Variants in DPP8 observed in about 807,000 individuals in gnomAD.
The protein encoded by DPP8 is dipeptidyl peptidase 8.
Under a neutral mutation model 107.5 loss-of-function variants are expected in DPP8, and 31 were observed. The observed-to-expected ratio is 0.29, with a 90% CI of 0.22 to 0.39. The LOEUF is 0.39. DPP8 is among the 10% of genes least tolerant of loss of function. DPP8 has a pLI of 1.00. For missense variants in DPP8, 842 were observed against 1,076.1 expected, an observed-to-expected ratio of 0.78 and a Z score of 3.04; for synonymous variants, 381 against 356.6, an observed-to-expected ratio of 1.07 and a Z score of -0.77.
rs578129668 is a variant in DPP8, at chr15:65,489,560, T to TC, written c.826+628dup. On this transcript the variant is annotated intron_variant, in intron 6 of 19. Transcript: ENST00000300141. ...TCCTGAGTAGCTGGGACTACAGGCG[T>TC]CCCCCACCATGCCCAGCTAATTTTT... Among the ~76,000 whole-genome samples, 35 of 146,968 alleles carry TC rather than the reference T, an allele frequency of 2.4e-4. No homozygotes were observed. In the East Asian group the frequency reaches 3.8e-3, roughly 16 times the overall value.
intron 3 of DPP8, among the ~76,000 whole-genome samples, chr15:65,505,549 G>T (rs1434642855): frequency 1.3e-5 from 2 of 152,042 alleles, no homozygotes; most frequent in African/African-American, 4.8e-5. Flanking sequence ...GAAAATTATC[G>T]TTATTTCAGT....
At chr15:65,456,450 G>T in intron 15 of DPP8, 79 bp from the exon 16 acceptor site, 1 of 1,391,034 alleles carries the variant, frequency 7.2e-7, no homozygotes, top group Non-Finnish European at 9.7e-7. Flanking sequence ...GCAAGAAATA[G>T]AAAGCTTAAT....
In DPP8 at chr15:65,512,610, T is replaced by C. The variant is rs1278467470; in HGVS notation, c.-11-46A>G. 5 of 1,598,642 alleles carry C rather than the reference T, an allele frequency of 3.1e-6. No individual in the cohort carries two copies. The South Asian group carries it at 5.6e-5, about 18-fold the overall frequency. On this transcript the variant is annotated intron_variant, in intron 1 of 19. Transcript: ENST00000300141. ...AAGCTGTTCACGGGTCTATCTTCTA[T>C]TATCAGAATGATTCTCTGAGAGGGT...
At chr15:65,498,272 A>C (rs2068806115) in intron 4 of DPP8, among the ~76,000 whole-genome samples, 1 of 152,114 alleles carries the variant, frequency 6.6e-6, no homozygotes, top group Non-Finnish European at 1.5e-5. Flanking sequence ...AAATACAAAA[A>C]TTAGCTGGGC....
intron 5 of DPP8, among the ~76,000 whole-genome samples, 181 bp downstream of exon 5, chr15:65,497,683 T>A (rs2068744856): frequency 6.6e-6 from 1 of 152,182 alleles, no homozygotes; most frequent in African/African-American, 2.4e-5. Context: ...AAAATGAATA[T>A]TATACATGTG....
chr15:65,453,413 C>T (rs1374427087), intron 17 of DPP8, among the ~76,000 whole-genome samples: 1 of 152,034 alleles, frequency 6.6e-6, no homozygotes, highest in Admixed American at 6.6e-5. Flanking sequence ...AAACATTATA[C>T]ATGTTTAAAA....
rs562079300 is a variant in DPP8 at position 65,483,928 on chromosome 15, T to C, written c.1017+1171A>G. Among the ~76,000 whole-genome samples, 65 of 152,348 alleles carry C rather than the reference T, an allele frequency of 4.3e-4. 1 individual carries two copies. Among genetic ancestry groups the C allele is most frequent in the South Asian group, 4.1e-3 (20 of 4,834 alleles). The stretch of plus-strand genomic sequence containing the variant: ...GTATTGACACATGGTACAACATGGA[T>C]GGACCTTGAAAACAATCTAAGTCAA... On this transcript the variant is annotated intron_variant, in intron 8 of 19. Coordinates refer to ENST00000300141, the MANE Select transcript of DPP8 (RefSeq NM_130434.5).
At chr15:65,447,231 C>G (rs548856725) in intron 19 of DPP8, among the ~76,000 whole-genome samples, 1 of 152,126 alleles carries the variant, frequency 6.6e-6, no homozygotes, top group South Asian at 2.1e-4. Context: ...ATGGTTTGTT[C>G]TCTAAGTGTG....
At chr15:65,499,605 T>A (rs968395190) in intron 4 of DPP8, among the ~76,000 whole-genome samples, 1 of 152,088 alleles carries the variant, frequency 6.6e-6, no homozygotes, top group African/African-American at 2.4e-5. Flanking sequence ...TGCTCTGTCA[T>A]CCACGCTAAA....
At chr15:65,514,793 A>C (rs966160178) in intron 1 of DPP8, among the ~76,000 whole-genome samples, 1 of 152,114 alleles carries the variant, frequency 6.6e-6, no homozygotes, top group Non-Finnish European at 1.5e-5. Flanking sequence ...TACAGGTGGG[A>C]GCCACCGTGC....
At position 65,485,174 on chromosome 15, in the gene DPP8, CAT is replaced by C. The variant is rs758339967; in HGVS notation, c.956-16_956-15del. ...GATTTGCTGTACCTTTAGAAAGAGA[CAT>C]AAATGATAGTAATGTTTATCCAAAA... On this transcript the variant is annotated splice_polypyrimidine_tract_variant and intron_variant, in intron 7 of 19. Coordinates refer to ENST00000300141, the MANE Select transcript of DPP8 (RefSeq NM_130434.5). 25 of 1,566,568 alleles carry C rather than the reference CAT, an allele frequency of 1.6e-5. No homozygotes were observed. In the South Asian group the frequency reaches 2.6e-4, roughly 16 times the overall value.
chr15:65,465,462 C>G (rs570427366), intron 14 of DPP8, among the ~76,000 whole-genome samples: 10 of 151,934 alleles, frequency 6.6e-5, no homozygotes, highest in Non-Finnish European at 1.3e-4. Flanking sequence ...GCCACTACGC[C>G]TGGCCTAATT....
chr15:65,474,161 T>A (rs754518116), intron 12 of DPP8, 48 bp downstream of exon 12: 3 of 1,337,238 alleles, frequency 2.2e-6, no homozygotes, highest in African/African-American at 2.9e-5. Flanking sequence ...AGCACTGCAT[T>A]CACACAGTAA....
At chr15:65,506,685 C>A (rs2070065395) in intron 3 of DPP8, among the ~76,000 whole-genome samples, 1 of 148,306 alleles carries the variant, frequency 6.7e-6, no homozygotes, top group African/African-American at 2.5e-5. Flanking sequence ...CACTGAAATC[C>A]TGGAATCTGT....
chr15:65,512,245 G>C, intron 2 of DPP8, 50 bp downstream of exon 2: 1 of 1,546,800 alleles, frequency 6.5e-7, no homozygotes, highest in Non-Finnish European at 8.7e-7. Context: ...TAGACTTTAA[G>C]TTTGACTTAA....
At position 65,444,685 on chromosome 15, in the gene DPP8, A is replaced by G. The variant is rs1344075221; in HGVS notation, c.*2199T>C. The G allele has an allele frequency of 1.3e-5, 2 of 152,232 alleles. No homozygotes were observed. Among genetic ancestry groups the G allele is most frequent in the South Asian group, 2.1e-4 (1 of 4,836 alleles). 9.4% of individuals were successfully genotyped at this position (152,232 alleles called of 1,614,324 possible). ...TGATAGGAGGAAAGGAGAAGGCAACATGCAAAAGGAAAACACCTGTGAACT... is the reference window on the plus strand; with the variant it reads ...TGATAGGAGGAAAGGAGAAGGCAACGTGCAAAAGGAAAACACCTGTGAACT... On this transcript the variant is annotated 3_prime_UTR_variant, in exon 20 of 20. Transcript: ENST00000300141.
intron 4 of DPP8, 127 bp downstream of exon 4, chr15:65,500,479 G>T: frequency 1.3e-5 from 9 of 691,356 alleles, no homozygotes; most frequent in South Asian, 2.1e-5. Flanking sequence ...TGTTTTCATT[G>T]CTATTAAATT....
intron 1 of DPP8, among the ~76,000 whole-genome samples, chr15:65,513,896 C>T (rs1020940503): frequency 1.3e-5 from 2 of 152,112 alleles, no homozygotes; most frequent in South Asian, 4.1e-4. Context: ...AAAGAAGGAA[C>T]ATAAAAATTC....
rs2064413270 is a variant in DPP8 at position 65,456,282 on chromosome 15, G to A, written c.2061C>T (p.Asp687=). ...ASLGYVVVVI[D]NRGSCHRGLK... is the part of the protein sequence containing the mutation. ...GCCCTCGGTGACAGGATCCCCTGTTGTCTATCACTACAACCACATAACCTA... is the reference window on the plus strand; with the variant it reads ...GCCCTCGGTGACAGGATCCCCTGTTATCTATCACTACAACCACATAACCTA... The change falls in exon 16 of 20, where the codon GAC becomes GAT. Residue 687 remains aspartate, a synonymous_variant. Coordinates refer to ENST00000300141, the MANE Select transcript of DPP8 (RefSeq NM_130434.5). 2.5e-6 allele frequency: 4 copies of A among 1,613,960 alleles called. No individual in the cohort carries two copies. Among genetic ancestry groups the A allele is most frequent in the Admixed American group, 1.7e-5 (1 of 59,972 alleles).
Sources: gnomAD v4.1 joint callset for allele counts (sites outside exome capture counted in the v4.1 genomes callset) on GRCh38, gnomAD v4.1.1 for gene constraint, MANE v1.5 for transcripts, NCBI Gene and HGNC (gene_info 2026-07-23, HGNC 2026-07-21) for gene names.